Variants in CILK1 observed in about 807,000 individuals in gnomAD.
The protein encoded by CILK1 is serine/threonine-protein kinase ICK.
A neutral mutation model predicts 79.2 loss-of-function variants in CILK1; 47 were observed. The observed-to-expected ratio is 0.59, with a 90% confidence interval of 0.47 to 0.76. The LOEUF (loss-of-function observed/expected upper bound fraction) is 0.76. CILK1 is among the 30% of genes least tolerant of loss of function. The pLI is 0.00. For synonymous variants in CILK1, 266 were observed against 275.9 expected (o/e 0.96, Z 0.36); for missense variants, 660 against 769.5 (o/e 0.86, Z 1.68).
At chr6:53,021,979 C>T (rs1035551016) in intron 5 of CILK1, among the ~76,000 whole-genome samples, 7 of 151,436 alleles carry the variant, frequency 4.6e-5, no homozygotes, top group African/African-American at 9.7e-5. Context: ...CTGTGTAGGC[C>T]TAGGCTAATG....
chr6:53,009,535 G>C lies in CILK1; in HGVS notation c.1525C>G (p.Pro509Ala). Reference protein sequence around the residue: ...ISIRNGILSNPGKEFIPPNPW... With the variant: ...ISIRNGILSNAGKEFIPPNPW... ...TTAGGTGGAATAAATTCCTTGCCTG[G>C]ATTCGAGAGTATGCCATTTCTTATA... The change falls in exon 12 of 14, where the codon CCA becomes GCA. Residue 509 changes from proline (P) to alanine (A), a missense_variant. Coordinates refer to ENST00000676107, the MANE Select transcript of CILK1 (RefSeq NM_014920.5). The C allele has an allele frequency of 1.2e-6, 2 of 1,611,526 alleles. No homozygotes were observed. Among genetic ancestry groups the C allele is most frequent in the Non-Finnish European group, 1.7e-6 (2 of 1,177,584 alleles).
intron 11 of CILK1, among the ~76,000 whole-genome samples, chr6:53,011,364 G>A (rs921923337): frequency 5.3e-5 from 8 of 152,178 alleles, no homozygotes; most frequent in Non-Finnish European, 7.3e-5. Context: ...TTGGGAGGCC[G>A]AGGCTGGTGG....
chr6:53,050,745 T>G (rs980333002), intron 1 of CILK1, among the ~76,000 whole-genome samples: 6 of 151,694 alleles, frequency 4.0e-5, no homozygotes, highest in African/African-American at 1.5e-4. Flanking sequence ...GGAGGATTGC[T>G]GGAGTCTGGG....
chr6:53,045,065 A>C (rs1380822134), intron 1 of CILK1, among the ~76,000 whole-genome samples: 1 of 152,214 alleles, frequency 6.6e-6, no homozygotes, highest in East Asian at 1.9e-4. Context: ...ATTATCCCTA[A>C]AATGGTAGAA....
chr6:53,031,153 G>A lies in CILK1; in HGVS notation c.279-9C>T. Reference sequence around the variant, plus strand: ...CAGGAAACAACTTATTTCTGTATGAGGCAGAGGAAAACAAAGTTATAAATC... The same window carrying A: ...CAGGAAACAACTTATTTCTGTATGAAGCAGAGGAAAACAAAGTTATAAATC... On this transcript the variant is annotated splice_polypyrimidine_tract_variant and intron_variant, in intron 4 of 13. Transcript: ENST00000676107. 1.9e-6 allele frequency: 3 copies of A among 1,568,480 alleles called. No individual in the cohort carries two copies. The highest frequency in any genetic ancestry group is 2.6e-6 in the Non-Finnish European group (3 of 1,139,502).
intron 1 of CILK1, among the ~76,000 whole-genome samples, chr6:53,045,112 G>A (rs1301044142): frequency 6.6e-6 from 1 of 152,116 alleles, no homozygotes; most frequent in East Asian, 1.9e-4. Flanking sequence ...CATCTTAAAT[G>A]TTTTATCTTA....
chr6:53,015,854 T>C (rs1420836149), intron 8 of CILK1, among the ~76,000 whole-genome samples: 2 of 152,240 alleles, frequency 1.3e-5, no homozygotes, highest in African/African-American at 2.4e-5. Flanking sequence ...TGATATATCA[T>C]GTGAATTACA....
intron 5 of CILK1, among the ~76,000 whole-genome samples, chr6:53,030,247 T>A (rs1765847092): frequency 6.6e-6 from 1 of 152,088 alleles, no homozygotes; most frequent in African/African-American, 2.4e-5. Flanking sequence ...TCTGATTAGG[T>A]GATGTAATTG....
At chr6:53,041,033 T>C (rs1766671331) in intron 2 of CILK1, 103 bp downstream of exon 2, 2 of 805,336 alleles carry the variant, frequency 2.5e-6, no homozygotes, top group South Asian at 2.7e-5. Flanking sequence ...TATCTAAGGT[T>C]CTTCTCTAGG....
chr6:53,057,878 C>G (rs1016499724), intron 1 of CILK1: 2 of 152,130 alleles, frequency 1.3e-5, no homozygotes, highest in Admixed American at 1.3e-4. Flanking sequence ...ATGTTCCCCA[C>G]GTGCTCCTTG....
At position 53,016,064 on chromosome 6, in the gene CILK1, C is replaced by T. The variant is rs1344408716; in HGVS notation, c.831+19G>A. ...TCAGAGTTAGATATGAACGTTATAA[C>T]AAGAAAATGGAAGAAAACCTGACTA... On this transcript the variant is annotated intron_variant, in intron 8 of 13. Transcript: ENST00000676107. The T allele has an allele frequency of 1.7e-5, 28 of 1,612,816 alleles. No individual in the cohort carries two copies. The highest frequency in any genetic ancestry group is 1.7e-4 in the Middle Eastern group (1 of 6,060).
At position 53,005,154 on chromosome 6, in the gene CILK1, G is replaced by T. The variant is rs376111440; in HGVS notation, c.1894C>A (p.Arg632=). ...TTCATCACCAAGGCAGACAGTCATC[G>T]CCGAGATGCGTACTTGGAAGCCCAG... is the stretch of plus-strand genomic sequence containing the variant. ...TDWASKYASR[R] is the part of the protein sequence containing the mutation. Residue 632 remains arginine (R), a synonymous_variant, in exon 14 of 14, where the codon CGA becomes AGA. Transcript: ENST00000676107. 1.1e-5 allele frequency: 18 copies of T among 1,614,090 alleles called. No homozygotes were observed. In the South Asian group the frequency reaches 1.8e-4, roughly 16 times the overall value.
chr6:53,010,370 G>C (rs1764500029), intron 11 of CILK1, among the ~76,000 whole-genome samples: 1 of 152,166 alleles, frequency 6.6e-6, no homozygotes. Flanking sequence ...TCTGACTCCA[G>C]CTCAGCCTGT....
intron 1 of CILK1, among the ~76,000 whole-genome samples, chr6:53,057,985 C>G (rs1282276521): frequency 2.0e-5 from 3 of 152,190 alleles, no homozygotes; most frequent in Non-Finnish European, 4.4e-5. Flanking sequence ...CAAACTCAAA[C>G]ATGACTTCAC....
chr6:53,049,792 T>C (rs1269479747), intron 1 of CILK1, among the ~76,000 whole-genome samples: 1 of 152,206 alleles, frequency 6.6e-6, no homozygotes, highest in African/African-American at 2.4e-5. Flanking sequence ...AGCTGTGTGA[T>C]CATGGCTCAC....
intron 4 of CILK1, 46 bp downstream of exon 4, chr6:53,032,487 T>G: frequency 7.3e-7 from 1 of 1,370,284 alleles, no homozygotes. Context: ...ACACATCTGC[T>G]TTGCCTATTT....
chr6:53,028,925 G>A (rs1347636156), intron 5 of CILK1, among the ~76,000 whole-genome samples: 5 of 151,744 alleles, frequency 3.3e-5, no homozygotes, highest in Non-Finnish European at 5.9e-5. Context: ...TGTGTCTTGG[G>A]GTGCTTATGT....
chr6:53,005,083 C>T lies in CILK1; in HGVS notation c.*66G>A. ...CCCTCTGCACATCTTGCAGGTAGAA[C>T]ACCAGTCAGCTGAGGGAAAGTATCC... On this transcript the variant is annotated 3_prime_UTR_variant, in exon 14 of 14. Coordinates refer to ENST00000676107, the MANE Select transcript of CILK1 (RefSeq NM_014920.5). 6.3e-7 allele frequency: 1 copy of T among 1,578,572 alleles called. No homozygotes were observed. Among genetic ancestry groups the T allele is most frequent in the Non-Finnish European group, 8.7e-7 (1 of 1,150,302 alleles).
rs201451158 is a variant in CILK1, at chr6:53,016,131, C to G, written c.783G>C (p.Leu261=). 4.3e-6 allele frequency: 7 copies of G among 1,614,132 alleles called. No homozygotes were observed. In the South Asian group the frequency reaches 7.7e-5, roughly 18 times the overall value. ...PNASSEAVQL[L]RDMLQWDPKK... ...TGGGATCCCACTGAAGCATGTCTCTCAGGAGCTGGACTGCTTCACTGCTAG... is the reference window on the plus strand; with the variant it reads ...TGGGATCCCACTGAAGCATGTCTCTGAGGAGCTGGACTGCTTCACTGCTAG... The change falls in exon 8 of 14, where the codon CTG becomes CTC. Residue 261 remains leucine (L), a synonymous_variant. Transcript: ENST00000676107.
Sources: allele counts gnomAD v4.1 joint callset (sites outside exome capture counted in the v4.1 genomes callset), GRCh38; gene constraint gnomAD v4.1.1; transcripts MANE v1.5; gene names NCBI Gene and HGNC (gene_info 2026-07-23, HGNC 2026-07-21).